Variants in PLGRKT observed in about 807,000 individuals in gnomAD.
The protein encoded by PLGRKT is plasminogen receptor (KT).
Under a neutral mutation model 18.5 loss-of-function variants are expected in PLGRKT, and 22 were observed. The ratio of observed to expected loss-of-function variants is 1.19; its 90% CI spans 0.85 to 1.70. PLGRKT has a LOEUF of 1.70. Among genes scored for constraint, PLGRKT ranks in the 40% most tolerant of loss-of-function variants. PLGRKT has a pLI of 0.00. For synonymous variants in PLGRKT, 72 were observed against 52.8 expected, an observed-to-expected ratio of 1.36 and a Z score of -1.58; for missense variants, 235 against 174.4, an observed-to-expected ratio of 1.35 and a Z score of -1.96.
chr9:5,402,739 A>T (rs975991964), intron 3 of PLGRKT, among the ~76,000 whole-genome samples: 6 of 152,016 alleles, frequency 3.9e-5, no homozygotes, highest in African/African-American at 1.5e-4. Context: ...AATCAGCATG[A>T]CAGACTATTT....
At chr9:5,429,316 G>C (rs866387280) in intron 3 of PLGRKT, among the ~76,000 whole-genome samples, 1 of 152,152 alleles carries the variant, frequency 6.6e-6, no homozygotes, top group Non-Finnish European at 1.5e-5. Flanking sequence ...CTCCAGTGAG[G>C]CCACTGCCCA....
intron 3 of PLGRKT, among the ~76,000 whole-genome samples, chr9:5,385,169 C>A (rs1483132703): frequency 6.6e-6 from 1 of 152,132 alleles, no homozygotes; most frequent in East Asian, 1.9e-4. Flanking sequence ...ATTATTTCAA[C>A]AACAGTACAC....
intron 2 of PLGRKT, 42 bp downstream of exon 2, chr9:5,436,527 T>C (rs556122378): frequency 6.6e-6 from 1 of 152,308 alleles, no homozygotes; most frequent in South Asian, 2.1e-4. Context: ...GTCAATCATC[T>C]GGGAAAGAAA....
intron 3 of PLGRKT, among the ~76,000 whole-genome samples, chr9:5,424,232 T>C (rs989619450): frequency 2.2e-5 from 3 of 138,056 alleles, no homozygotes; most frequent in African/African-American, 7.9e-5. Flanking sequence ...TATATGTATT[T>C]ATATGTGTCA....
Position 5,418,814 on chromosome 9 carries a change from C to A in PLGRKT, c.81+13083G>T. ...AAGTCAGGGGGCAGCTTGGTGACAC[C>A]GCTGCACCAGGGGCATCGCACATCC... On this transcript the variant is annotated intron_variant, in intron 3 of 5. Transcript: ENST00000223864. This position sits in a 1 kb window ranked among gnomAD's most constrained non-coding sequence, Gnocchi z 4.2. The A allele has an allele frequency of 1.0e-6, 1 of 956,434 alleles. No individual in the cohort carries two copies. Among genetic ancestry groups the A allele is most frequent in the South Asian group, 1.4e-5 (1 of 73,586 alleles). The allele number at this position is 956,434 out of a possible 1,614,324, so 59.2% of individuals were successfully genotyped here. A position where few individuals can be genotyped will look rare whatever the true frequency, so the allele number is the denominator to read the frequency against.
intron 3 of PLGRKT, among the ~76,000 whole-genome samples, chr9:5,413,026 C>A (rs1198788316): frequency 6.6e-6 from 1 of 152,080 alleles, no homozygotes; most frequent in African/African-American, 2.4e-5. Context: ...CAAATTAAAG[C>A]AAGACTGAGA....
intron 3 of PLGRKT, among the ~76,000 whole-genome samples, chr9:5,365,003 A>C (rs1238022702): frequency 6.6e-6 from 1 of 152,222 alleles, no homozygotes; most frequent in Non-Finnish European, 1.5e-5. Context: ...GGCTTAGTGT[A>C]AGTACATACA....
rs548738185 is a variant in PLGRKT, at chr9:5,389,938, G to A, written c.82-28050C>T. ...AGGAGAAATATCAAGGAGGAGTGAG[G>A]AACAAGGGTGTGATTTCCAGGGTCC... On this transcript the variant is annotated intron_variant, in intron 3 of 5. Coordinates refer to ENST00000223864, the MANE Select transcript of PLGRKT (RefSeq NM_018465.4). Among the ~76,000 whole-genome samples, 7 of 151,900 alleles carry A rather than the reference G, an allele frequency of 4.6e-5. No individual in the cohort carries two copies. The South Asian group carries it at 1.2e-3, about 27-fold the overall frequency.
chr9:5,428,400 A>G (rs1309078326), intron 3 of PLGRKT, among the ~76,000 whole-genome samples: 1 of 152,152 alleles, frequency 6.6e-6, no homozygotes, highest in Non-Finnish European at 1.5e-5. Context: ...GCCAAAGTCT[A>G]CTTGGTCTCA....
chr9:5,426,744 T>C (rs1019615772), intron 3 of PLGRKT, among the ~76,000 whole-genome samples: 9 of 152,128 alleles, frequency 5.9e-5, no homozygotes, highest in Non-Finnish European at 1.2e-4. Flanking sequence ...CAGAGTTGTG[T>C]TTGCAGTAAG....
intron 3 of PLGRKT, among the ~76,000 whole-genome samples, chr9:5,388,798 G>A (rs1817892912): frequency 1.3e-5 from 2 of 152,016 alleles, no homozygotes; most frequent in African/African-American, 4.8e-5. Flanking sequence ...TCTACAAAGT[G>A]GGAATAATAA....
At position 5,370,128 on chromosome 9, in the gene PLGRKT, G is replaced by C. The variant is rs917757063; in HGVS notation, c.82-8240C>G. Among the ~76,000 whole-genome samples, 3 of 151,942 alleles carry C rather than the reference G, an allele frequency of 2.0e-5. No homozygotes were observed. In the East Asian group the frequency reaches 5.8e-4, roughly 29 times the overall value. ...ATAAAAATAAAAAACATAAAAGGAA[G>C]CTAGCATATCATAGCAGGAGGAACC... On this transcript the variant is annotated intron_variant, in intron 3 of 5. Coordinates refer to ENST00000223864, the MANE Select transcript of PLGRKT (RefSeq NM_018465.4).
At chr9:5,404,811 T>C (rs955230873) in intron 3 of PLGRKT, among the ~76,000 whole-genome samples, 5 of 152,170 alleles carry the variant, frequency 3.3e-5, no homozygotes, top group African/African-American at 1.2e-4. Context: ...TAAAGTGTAT[T>C]CAAATAGGAA....
At chr9:5,381,206 T>C (rs761324434) in intron 3 of PLGRKT, among the ~76,000 whole-genome samples, 21 of 152,122 alleles carry the variant, frequency 1.4e-4, no homozygotes, top group Middle Eastern at 3.4e-3. Flanking sequence ...GCCAAGACAA[T>C]GGGGAAAATG....
At chr9:5,387,781 T>G (rs768914386) in intron 3 of PLGRKT, among the ~76,000 whole-genome samples, 2 of 151,776 alleles carry the variant, frequency 1.3e-5, no homozygotes, top group Non-Finnish European at 2.9e-5. Context: ...TATATCTATG[T>G]TATACTTTAA....
intron 3 of PLGRKT, among the ~76,000 whole-genome samples, chr9:5,404,124 C>T (rs1265229020): frequency 1.3e-5 from 2 of 152,154 alleles, no homozygotes; most frequent in African/African-American, 4.8e-5. Context: ...GAAATTGAGG[C>T]AGTAATGAAC....
Position 5,436,149 on chromosome 9 carries a change from T to C in PLGRKT, c.-7+420A>G, listed in dbSNP as rs141932741. On this transcript the variant is annotated intron_variant, in intron 2 of 5. Transcript: ENST00000223864. The stretch of plus-strand genomic sequence containing the variant: ...GACAGCAGGGTGATTTGGCAGTTCT[T>C]TCCTTTCTCCAAACCCTAACAGTCC... Among the ~76,000 whole-genome samples the C allele has an allele frequency of 5.2e-3, 798 of 152,330 alleles. 4 individuals carry two copies. The highest frequency in any genetic ancestry group is 0.02 in the Middle Eastern group (6 of 294).
At chr9:5,397,115 T>C (rs1216239123) in intron 3 of PLGRKT, among the ~76,000 whole-genome samples, 1 of 151,996 alleles carries the variant, frequency 6.6e-6, no homozygotes, top group African/African-American at 2.4e-5. Context: ...GTGGTAAGTA[T>C]GAATGCGAAG....
At chr9:5,361,286 T>TGAAAGGTAA in intron 4 of PLGRKT, 99 bp from the exon 5 acceptor site, 1 of 652,508 alleles carries the variant, frequency 1.5e-6, no homozygotes, top group Non-Finnish European at 2.7e-6. Context: ...TTTGGAAGAA[T>TGAAAGGTAA]GCCTTTTCCT....
Sources: gnomAD v4.1 joint callset for allele counts (sites outside exome capture counted in the v4.1 genomes callset) on GRCh38, gnomAD v4.1.1 for gene constraint, Gnocchi (gnomAD v3.1) non-coding constraint, MANE v1.5 for transcripts, NCBI Gene and HGNC (gene_info 2026-07-23, HGNC 2026-07-21) for gene names.